CLCA2: variants seen among roughly 807,000 people sequenced by gnomAD.
CLCA2 encodes calcium-activated chloride channel regulator 2.
Under a neutral mutation model 82.9 loss-of-function variants are expected in CLCA2, and 85 were observed. The ratio of observed to expected loss-of-function variants is 1.03; its 90% CI spans 0.86 to 1.23. The LOEUF is 1.23. Among genes scored for constraint, CLCA2 ranks in the 50% most tolerant of loss-of-function variants. CLCA2 has a pLI of 0.00. For synonymous variants in CLCA2, 421 were observed against 391.7 expected, an observed-to-expected ratio of 1.07 and a Z score of -0.88; for missense variants, 1,089 against 1,124.8, an observed-to-expected ratio of 0.97 and a Z score of 0.45.
Position 86,434,689 on chromosome 1 carries a change from C to A in CLCA2, c.916C>A (p.Gln306Lys), listed in dbSNP as rs17409304. 5 of 1,613,926 alleles carry A rather than the reference C, an allele frequency of 3.1e-6. No individual in the cohort carries two copies. The highest frequency in any genetic ancestry group is 4.2e-6 in the Non-Finnish European group (5 of 1,179,866). ...LPPPPTFSLV[Q>K]AGDKVVCLVL... ...ACCTCCTCCCACATTCTCGCTTGTA[C>A]AGGCTGGTGACAAAGTGGTCTGTTT... The change falls in exon 6 of 14, where the codon CAG becomes AAG. Residue 306 changes from glutamine to lysine, a missense_variant. Coordinates refer to ENST00000370565, the MANE Select transcript of CLCA2 (RefSeq NM_006536.7).
At chr1:86,439,600 C>T (rs75383632) in intron 7 of CLCA2, among the ~76,000 whole-genome samples, 2,034 of 152,308 alleles carry the variant, frequency 0.013, 31 homozygotes, top group African/African-American at 0.04. Context: ...AGTTTGCATT[C>T]AGCATCTGGG....
chr1:86,444,879 T>TTTG (rs199948615), intron 10 of CLCA2, among the ~76,000 whole-genome samples: 3,097 of 147,990 alleles, frequency 0.021, 118 homozygotes, highest in East Asian at 0.15. Context: ...CACCCCCACT[T>TTTG]TTGTTGTTGT....
intron 3 of CLCA2, among the ~76,000 whole-genome samples, 141 bp from the exon 4 acceptor site, chr1:86,430,708 TAGGGGAGAGGAAA>T (rs1355245301): frequency 1.3e-5 from 2 of 152,104 alleles, no homozygotes; most frequent in Non-Finnish European, 2.9e-5. Flanking sequence ...GGGAATAGGA[TAGGGGAGAGGAAA>T]AGGGGAGAGA....
chr1:86,441,539 T>C lies in CLCA2; in HGVS notation c.1484T>C (p.Ile495Thr), dbSNP rs757266293. 2 of 1,602,472 alleles carry C rather than the reference T, an allele frequency of 1.2e-6. No individual in the cohort carries two copies. Reference protein sequence around the residue: ...SGTGDIFQQHIQLESTGENVK... With the variant: ...SGTGDIFQQHTQLESTGENVK... ...ACTGGAGACATTTTCCAGCAACATA[T>C]TCAGGTCAGAATTTTCTCAATGTTA... The change falls in exon 9 of 14, where the codon ATT (isoleucine) becomes ACT (threonine). Residue 495 changes from isoleucine to threonine, a missense_variant. Coordinates refer to ENST00000370565, the MANE Select transcript of CLCA2 (RefSeq NM_006536.7).
At chr1:86,444,989 C>T (rs1178263598) in intron 10 of CLCA2, among the ~76,000 whole-genome samples, 1 of 152,068 alleles carries the variant, frequency 6.6e-6, no homozygotes, top group African/African-American at 2.4e-5. Context: ...CTTCACCTCC[C>T]AGGTTCAAGC....
Position 86,425,330 on chromosome 1 carries a change from T to C in CLCA2, c.187-9T>C. 1.9e-6 allele frequency: 3 copies of C among 1,542,836 alleles called. No individual in the cohort carries two copies. The highest frequency in any genetic ancestry group is 2.6e-6 in the Non-Finnish European group (3 of 1,147,298). On this transcript the variant is annotated splice_polypyrimidine_tract_variant and intron_variant, in intron 1 of 13. Transcript: ENST00000370565. ...TGGTAAAGTAAGTTTTTCTTTTGTCTGGCTGTAGGAAATGATAACTGAAGC... is the reference window on the plus strand; with the variant it reads ...TGGTAAAGTAAGTTTTTCTTTTGTCCGGCTGTAGGAAATGATAACTGAAGC...
chr1:86,441,627 T>A (rs1662738939), intron 9 of CLCA2, 84 bp downstream of exon 9: 1 of 870,458 alleles, frequency 1.1e-6, no homozygotes. Context: ...TTGTGCTACC[T>A]GCTTCATTAA....
At chr1:86,424,541 C>T (rs1662351242) in intron 1 of CLCA2, 108 bp downstream of exon 1, 1 of 895,052 alleles carries the variant, frequency 1.1e-6, no homozygotes. Context: ...ATACAGAGAA[C>T]AGCATTTTTA....
At chr1:86,427,649 A>G (rs2101689272) in intron 2 of CLCA2, among the ~76,000 whole-genome samples, 1 of 152,186 alleles carries the variant, frequency 6.6e-6, no homozygotes, top group South Asian at 2.1e-4. Context: ...TTCTAAAATC[A>G]GCTTTTAAAA....
chr1:86,424,349 G>A lies in CLCA2; in HGVS notation c.102G>A (p.Gln34=), dbSNP rs1201264043. 1 of 1,613,946 alleles carries A rather than the reference G, an allele frequency of 6.2e-7. No homozygotes were observed. The highest frequency in any genetic ancestry group is 1.7e-5 in the Admixed American group (1 of 59,988). ...SELPFLGAGV[Q]LQDNGYNGLL... ...TCCCATTCCTGGGAGCTGGAGTACAGCTTCAAGACAATGGGTATAATGGAT... is the reference window on the plus strand; with the variant it reads ...TCCCATTCCTGGGAGCTGGAGTACAACTTCAAGACAATGGGTATAATGGAT... The change falls in exon 1 of 14, where the codon CAG becomes CAA. Residue 34 remains glutamine, a synonymous_variant. Coordinates refer to ENST00000370565, the MANE Select transcript of CLCA2 (RefSeq NM_006536.7).
chr1:86,446,077 T>C (rs1281732418), intron 10 of CLCA2, among the ~76,000 whole-genome samples: 1 of 152,154 alleles, frequency 6.6e-6, no homozygotes, highest in Non-Finnish European at 1.5e-5. Context: ...GTCTTCAGTA[T>C]AGAGGATTTC....
intron 5 of CLCA2, among the ~76,000 whole-genome samples, chr1:86,434,151 A>G (rs556679661): frequency 1.4e-4 from 22 of 152,312 alleles, no homozygotes; most frequent in African/African-American, 5.3e-4. Flanking sequence ...TAGGCTGATC[A>G]TGATAACTTC....
chr1:86,452,977 A>C (rs903677137), intron 12 of CLCA2, among the ~76,000 whole-genome samples: 1 of 152,198 alleles, frequency 6.6e-6, no homozygotes, highest in African/African-American at 2.4e-5. Context: ...GTTCGAGACC[A>C]GCCTAGCCAA....
intron 3 of CLCA2, among the ~76,000 whole-genome samples, chr1:86,429,369 C>T (rs1012862233): frequency 6.6e-6 from 1 of 152,204 alleles, no homozygotes; most frequent in African/African-American, 2.4e-5. Flanking sequence ...GAGGTCTGAA[C>T]TGCTGCAGAA....
intron 11 of CLCA2, among the ~76,000 whole-genome samples, chr1:86,449,582 T>G (rs1188538399): frequency 6.6e-6 from 1 of 152,268 alleles, no homozygotes; most frequent in Non-Finnish European, 1.5e-5. Context: ...TTAGCACTTT[T>G]TATTTCATTT....
intron 4 of CLCA2, 33 bp from the exon 5 acceptor site, chr1:86,432,336 G>C (rs953023327): frequency 1.3e-5 from 21 of 1,608,324 alleles, no homozygotes; most frequent in East Asian, 2.2e-5. Context: ...TTCTAAAATA[G>C]ACCTAATTCC....
chr1:86,447,617 A>C lies in CLCA2; in HGVS notation c.1823A>C (p.Glu608Ala), dbSNP rs368282487. Residue 608 changes from glutamate to alanine, a missense_variant, in exon 11 of 14, where the codon GAA (glutamate) becomes GCA (alanine). Physicochemically the swap from Glu to Ala is moderately radical, Grantham distance 107 (BLOSUM62 -1). Coordinates refer to ENST00000370565, the MANE Select transcript of CLCA2 (RefSeq NM_006536.7). ...TCAGCTGTGCCCCCAGCCACTGTGG[A>C]AGCCTTTGTGGAAAGAGACAGCCTC... is the stretch of plus-strand genomic sequence containing the variant. The part of the protein sequence containing the change: ...SNSAVPPATV[E>A]AFVERDSLHF... 1.7e-5 allele frequency: 27 copies of C among 1,614,028 alleles called. No individual in the cohort carries two copies. The highest frequency in any genetic ancestry group is 3.4e-6 in the Non-Finnish European group (4 of 1,180,034).
rs143042697 is a variant in CLCA2 at position 86,452,684 on chromosome 1, C to A, written c.2156-685C>A. Among the ~76,000 whole-genome samples, 546 of 152,286 alleles carry A rather than the reference C, an allele frequency of 3.6e-3. 3 individuals are homozygous for A. Among genetic ancestry groups the A allele is most frequent in the Middle Eastern group, 0.02 (6 of 294 alleles). On this transcript the variant is annotated intron_variant, in intron 12 of 13. Coordinates refer to ENST00000370565, the MANE Select transcript of CLCA2 (RefSeq NM_006536.7). ...CAGTTCCTACTCAACCTTTAGGAAG[C>A]CTTTCAATGTTACCTCTTTGATACC...
rs766314705 is a variant in CLCA2 at position 86,440,211 on chromosome 1, G to A, written c.1267G>A (p.Asp423Asn). ...GATGATATTAGTGACCAGCGGAGAT[G>A]ATAAGCTTCTTGGCAATTGCTTACC... Reference protein sequence around the residue: ...SVMILVTSGDDKLLGNCLPTV... With the variant: ...SVMILVTSGDNKLLGNCLPTV... Residue 423 changes from aspartate to asparagine, a missense_variant, in exon 8 of 14, where the codon GAT (aspartate) becomes AAT (asparagine). Coordinates refer to ENST00000370565, the MANE Select transcript of CLCA2 (RefSeq NM_006536.7). The A allele has an allele frequency of 6.2e-7, 1 of 1,614,164 alleles. No individual in the cohort carries two copies. Among genetic ancestry groups the A allele is most frequent in the East Asian group, 2.2e-5 (1 of 44,868 alleles).
Sources: gnomAD v4.1 joint callset for allele counts (sites outside exome capture counted in the v4.1 genomes callset) on GRCh38, gnomAD v4.1.1 for gene constraint, MANE v1.5 for transcripts, NCBI Gene and HGNC (gene_info 2026-07-23, HGNC 2026-07-21) for gene names.